PINX1: variants seen among roughly 807,000 people sequenced by gnomAD.
PINX1 encodes PIN2 (TERF1) interacting telomerase inhibitor 1.
PINX1 carries 34 observed loss-of-function variants against 25.4 expected under a neutral mutation model. That is an observed-to-expected ratio of 1.34 (90% confidence interval 1.02 to 1.78). The LOEUF (loss-of-function observed/expected upper bound fraction) is 1.78. Among genes scored for constraint, PINX1 ranks in the 40% most tolerant of loss-of-function variants. PINX1 has a pLI of 0.00. For synonymous variants in PINX1, 197 were observed against 147.7 expected, an observed-to-expected ratio of 1.33 and a Z score of -2.42; for missense variants, 592 against 404.9, an observed-to-expected ratio of 1.46 and a Z score of -3.97.
At chr8:10,815,683 C>T (rs1442894533) in intron 6 of PINX1, among the ~76,000 whole-genome samples, 1 of 152,190 alleles carries the variant, frequency 6.6e-6, no homozygotes, top group Non-Finnish European at 1.5e-5. Context: ...ACACCATGAG[C>T]TCTCCAACAC....
At chr8:10,834,267 T>C (rs1478596982) in intron 2 of PINX1, 1 of 165,866 alleles carries the variant, frequency 6.0e-6, no homozygotes, top group Non-Finnish European at 1.3e-5. Context: ...GTCAATTACA[T>C]CCAGCACTGC....
At chr8:10,793,397 G>T (rs1287068065) in intron 6 of PINX1, among the ~76,000 whole-genome samples, 1 of 152,142 alleles carries the variant, frequency 6.6e-6, no homozygotes, top group Non-Finnish European at 1.5e-5. Flanking sequence ...GGAAGAAGAA[G>T]AATTGTCTTG....
At chr8:10,804,667 T>C (rs550355204) in intron 6 of PINX1, among the ~76,000 whole-genome samples, 1 of 151,406 alleles carries the variant, frequency 6.6e-6, no homozygotes, top group Non-Finnish European at 1.5e-5. Flanking sequence ...TGATTAGGAA[T>C]GGTTTCATCG....
chr8:10,767,677 C>T (rs990339205), intron 6 of PINX1, among the ~76,000 whole-genome samples: 1 of 152,228 alleles, frequency 6.6e-6, no homozygotes, highest in African/African-American at 2.4e-5. Flanking sequence ...CAATCCCAGG[C>T]TCATGAACAA....
At chr8:10,769,628 G>A (rs1015437170) in intron 6 of PINX1, among the ~76,000 whole-genome samples, 31 of 152,212 alleles carry the variant, frequency 2.0e-4, no homozygotes, top group Non-Finnish European at 4.1e-4. Flanking sequence ...TTGACATCAA[G>A]TGGCATCTCA....
chr8:10,788,587 G>A (rs1420163507), intron 6 of PINX1, among the ~76,000 whole-genome samples: 3 of 151,990 alleles, frequency 2.0e-5, no homozygotes, highest in Non-Finnish European at 4.4e-5. Flanking sequence ...GGAAAAAAAA[G>A]TGAATGTATA....
intron 6 of PINX1, among the ~76,000 whole-genome samples, chr8:10,792,653 C>T (rs528784846): frequency 2.6e-4 from 39 of 152,284 alleles, no homozygotes; most frequent in African/African-American, 8.4e-4. Context: ...ACCACATACA[C>T]GCCGCCGGTA....
At chr8:10,834,412 A>C (rs1412395745) in intron 2 of PINX1, 2 of 447,636 alleles carry the variant, frequency 4.5e-6, no homozygotes, top group Admixed American at 4.0e-5. Context: ...GAATAAATGG[A>C]AAGGGAAAAA....
chr8:10,788,003 T>C (rs558187851), intron 6 of PINX1, among the ~76,000 whole-genome samples: 1 of 152,312 alleles, frequency 6.6e-6, no homozygotes, highest in South Asian at 2.1e-4. Flanking sequence ...ACTGAGAAAC[T>C]GTGGTTAATG....
chr8:10,770,558 T>C (rs1801191908), intron 6 of PINX1, among the ~76,000 whole-genome samples: 1 of 152,238 alleles, frequency 6.6e-6, no homozygotes, highest in Non-Finnish European at 1.5e-5. Context: ...AGTGAGTATC[T>C]GCGCAAGATC....
intron 2 of PINX1, 126 bp downstream of exon 2, chr8:10,834,540 T>G (rs1798335306): frequency 1.5e-6 from 2 of 1,363,670 alleles, no homozygotes; most frequent in South Asian, 1.5e-5. Context: ...CAATTTTTGA[T>G]TTGGGATCAA....
chr8:10,768,620 A>AC (rs1372327264), intron 6 of PINX1, among the ~76,000 whole-genome samples: 4 of 152,306 alleles, frequency 2.6e-5, no homozygotes, highest in African/African-American at 9.6e-5. Context: ...ATGACTGGCT[A>AC]GAGAGAGCTG....
At chr8:10,818,891 G>T (rs1001727545) in intron 6 of PINX1, among the ~76,000 whole-genome samples, 2 of 152,182 alleles carry the variant, frequency 1.3e-5, no homozygotes, top group Admixed American at 6.5e-5. Flanking sequence ...TAAGCCAGAG[G>T]CCATGTCCTT....
intron 6 of PINX1, among the ~76,000 whole-genome samples, chr8:10,769,669 G>C (rs6994595): frequency 6.6e-6 from 1 of 152,014 alleles, no homozygotes; most frequent in Non-Finnish European, 1.5e-5. Context: ...GAGGAGAGGC[G>C]TCCTCTCCAC....
chr8:10,778,995 T>A (rs1801500287), intron 6 of PINX1, among the ~76,000 whole-genome samples: 1 of 152,204 alleles, frequency 6.6e-6, no homozygotes, highest in Non-Finnish European at 1.5e-5. Flanking sequence ...GTTAGCTCTT[T>A]CCCAGCTATC....
chr8:10,799,715 G>C (rs1439842101), intron 6 of PINX1, among the ~76,000 whole-genome samples: 1 of 152,214 alleles, frequency 6.6e-6, no homozygotes, highest in African/African-American at 2.4e-5. Flanking sequence ...GCATGTCTGA[G>C]TGACGGGACA....
rs984805872 is a variant in PINX1 at position 10,815,986 on chromosome 8, C to T, written c.471+4207G>A. On this transcript the variant is annotated intron_variant, in intron 6 of 6. Coordinates refer to ENST00000314787, the MANE Select transcript of PINX1 (RefSeq NM_017884.6). ...CAGCCTCAGCATCAAACGGAGAGACCATGTGGTCTGTACACACGATATTCC... is the reference window on the plus strand; with the variant it reads ...CAGCCTCAGCATCAAACGGAGAGACTATGTGGTCTGTACACACGATATTCC... 3.3e-5 allele frequency among the ~76,000 whole-genome samples: 5 copies of T among 152,160 alleles called. 1 individual carries two copies. The highest frequency in any genetic ancestry group is 4.4e-5 in the Non-Finnish European group (3 of 68,030).
At chr8:10,815,010 G>C (rs1027527580) in intron 6 of PINX1, among the ~76,000 whole-genome samples, 1 of 151,586 alleles carries the variant, frequency 6.6e-6, no homozygotes, top group African/African-American at 2.4e-5. Flanking sequence ...CGTGATGATA[G>C]CTCACTGCAG....
intron 6 of PINX1, among the ~76,000 whole-genome samples, chr8:10,769,408 T>C (rs952592008): frequency 3.3e-5 from 5 of 152,210 alleles, no homozygotes. Flanking sequence ...TCCCAAATGG[T>C]AAGTGGGCCT....
Sources: allele counts gnomAD v4.1 joint callset (sites outside exome capture counted in the v4.1 genomes callset), GRCh38; gene constraint gnomAD v4.1.1; transcripts MANE v1.5; gene names NCBI Gene and HGNC (gene_info 2026-07-23, HGNC 2026-07-21).